Variants in SBNO1 observed in about 807,000 individuals in gnomAD.
The protein encoded by SBNO1 is protein strawberry notch homolog 1.
In SBNO1, 23 loss-of-function variants were observed where a neutral mutation model predicts 173.6. That is an observed-to-expected ratio of 0.13 (90% CI 0.10 to 0.19). SBNO1 has a LOEUF of 0.19. Among genes scored for constraint, SBNO1 ranks in the 10% least tolerant of loss-of-function variants. The pLI is 1.00. For synonymous variants in SBNO1, 632 were observed against 571.5 expected, an observed-to-expected ratio of 1.11 and a Z score of -1.51; for missense variants, 1,238 against 1,671.2, an observed-to-expected ratio of 0.74 and a Z score of 4.52.
chr12:123,307,176 G>C (rs1054250389), intron 28 of SBNO1, among the ~76,000 whole-genome samples: 15 of 151,964 alleles, frequency 9.9e-5, no homozygotes, highest in African/African-American at 3.6e-4. Context: ...CTGGGTGACA[G>C]AGCGAGCGAG....
chr12:123,349,852 G>C (rs899508995), intron 2 of SBNO1, among the ~76,000 whole-genome samples: 1 of 152,108 alleles, frequency 6.6e-6, no homozygotes, highest in Non-Finnish European at 1.5e-5. Context: ...GGCAGAGGTT[G>C]CAGTGAGCTG....
Position 123,292,766 on chromosome 12 carries a change from C to G in SBNO1, c.*3142G>C, listed in dbSNP as rs928320683. On this transcript the variant is annotated 3_prime_UTR_variant, in exon 32 of 32. Transcript: ENST00000602398. ...ATGCAGGTTCTTACTAATTTATATA[C>G]ACATGTAAAGAGAAGATACTGAAGT... 1 of 152,182 alleles carries G rather than the reference C, an allele frequency of 6.6e-6. No individual in the cohort carries two copies. Among genetic ancestry groups the G allele is most frequent in the Non-Finnish European group, 1.5e-5 (1 of 68,042 alleles). 9.4% of individuals were successfully genotyped at this position (152,182 alleles called of 1,614,324 possible). A position where few individuals can be genotyped will look rare whatever the true frequency, so the allele number is the denominator to read the frequency against.
In SBNO1 at chr12:123,295,833, CTG is replaced by C. The variant is rs2048583852; in HGVS notation, c.*73_*74del. 6.5e-7 allele frequency: 1 copy of C among 1,546,854 alleles called. No homozygotes were observed. Among genetic ancestry groups the C allele is most frequent in the Non-Finnish European group, 8.7e-7 (1 of 1,143,656 alleles). On this transcript the variant is annotated 3_prime_UTR_variant, in exon 32 of 32. Coordinates refer to ENST00000602398, the MANE Select transcript of SBNO1 (RefSeq NM_001167856.3). ...AAAAAAATATATAATTCTTTGGAAA[CTG>C]TCCCTGATTTTTATGCAAATGATAT... is the stretch of plus-strand genomic sequence containing the variant.
chr12:123,345,477 C>A lies in SBNO1; in HGVS notation c.331G>T (p.Val111Leu), dbSNP rs1410448291. Residue 111 changes from valine to leucine, a missense_variant, in exon 4 of 32, where the codon GTA becomes TTA. Around this residue, in one of 14 missense-constraint regions of SBNO1, gnomAD observed 287 missense variants for 274.1 expected, o/e 1.05. Transcript: ENST00000602398. ...STIVMTKTPP[V>L]TTNRQTITLT... is the part of the protein sequence containing the mutation. Reference sequence around the variant, plus strand: ...GTGATGGTTTGCCTGTTGGTTGTTACAGGTGGTGTTTTAGTCATTACAATT... The same window carrying A: ...GTGATGGTTTGCCTGTTGGTTGTTAAAGGTGGTGTTTTAGTCATTACAATT... 1.9e-6 allele frequency: 3 copies of A among 1,614,014 alleles called. No homozygotes were observed. Among genetic ancestry groups the A allele is most frequent in the East Asian group, 2.2e-5 (1 of 44,904 alleles).
chr12:123,311,072 A>G lies in SBNO1; in HGVS notation c.3278T>C (p.Ile1093Thr). The G allele has an allele frequency of 6.2e-7, 1 of 1,612,902 alleles. No homozygotes were observed. The highest frequency in any genetic ancestry group is 8.5e-7 in the Non-Finnish European group (1 of 1,178,928). ...GLINVEDRSG[I>T]LTLDKDYNNI... is the part of the protein sequence containing the mutation. ...AGTAGTACCTTTATCGAGAGTAAGA[A>G]TTCCCGAGCGATCTTCTACATTTAT... The change falls in exon 25 of 32, where the codon ATT becomes ACT. Residue 1093 changes from isoleucine to threonine, a missense_variant. Physicochemically the swap from Ile to Thr is moderately conservative, Grantham distance 89. This residue lies in a region of SBNO1 where 351 missense variants were observed against 420.3 expected (regional missense o/e 0.84). Coordinates refer to ENST00000602398, the MANE Select transcript of SBNO1 (RefSeq NM_001167856.3).
chr12:123,292,217 TAATCA>T lies in SBNO1; in HGVS notation c.*3686_*3690del, dbSNP rs2048522656. 6.6e-6 allele frequency: 1 copy of T among 152,134 alleles called. No homozygotes were observed. The highest frequency in any genetic ancestry group is 1.5e-5 in the Non-Finnish European group (1 of 68,030). The allele number at this position is 152,134 out of a possible 1,614,324, so 9.4% of individuals were successfully genotyped here. A position where few individuals can be genotyped will look rare whatever the true frequency, so the allele number is the denominator to read the frequency against. On this transcript the variant is annotated 3_prime_UTR_variant, in exon 32 of 32. Transcript: ENST00000602398. ...GCCTTTGCCATTGGGAGGCCTGAACTAATCAAACGTTCATTAATAGGATCCCAGCC... is the reference window on the plus strand; with the variant it reads ...GCCTTTGCCATTGGGAGGCCTGAACTAACGTTCATTAATAGGATCCCAGCC...
chr12:123,350,048 G>A (rs1245353500), intron 2 of SBNO1, among the ~76,000 whole-genome samples: 1 of 152,180 alleles, frequency 6.6e-6, no homozygotes, highest in Non-Finnish European at 1.5e-5. Flanking sequence ...GAGCTCAGGA[G>A]TTCAAGACCA....
intron 1 of SBNO1, among the ~76,000 whole-genome samples, chr12:123,356,474 C>G (rs1874472980): frequency 6.6e-6 from 1 of 152,204 alleles, no homozygotes; most frequent in African/African-American, 2.4e-5. Flanking sequence ...CTTGTTCTGT[C>G]ACCCAAGCTG....
In SBNO1 at chr12:123,304,185, C is replaced by A. The variant is rs573655384; in HGVS notation, c.3768+397G>T. Among the ~76,000 whole-genome samples the A allele has an allele frequency of 2.0e-5, 3 of 152,218 alleles. No homozygotes were observed. The East Asian group carries it at 5.8e-4, about 29-fold the overall frequency. On this transcript the variant is annotated intron_variant, in intron 29 of 31. Transcript: ENST00000602398. ...ACCTCAGGTGATCCAACCGCCTTGG[C>A]CTCCCAAAGTACTAAGATTACAGGC...
chr12:123,339,734 C>T (rs1467591226), intron 5 of SBNO1, among the ~76,000 whole-genome samples: 1 of 152,102 alleles, frequency 6.6e-6, no homozygotes, highest in Non-Finnish European at 1.5e-5. Context: ...TTGCAGTGAG[C>T]CAAGATTGCA....
chr12:123,321,504 C>T, intron 17 of SBNO1, 31 bp downstream of exon 17: 1 of 1,435,560 alleles, frequency 7.0e-7, no homozygotes. Flanking sequence ...ATATTATATG[C>T]TTTCGTGTAT....
intron 10 of SBNO1, 32 bp from the exon 11 acceptor site, chr12:123,328,059 T>TA (rs751555933): frequency 7.2e-6 from 11 of 1,533,472 alleles, no homozygotes; most frequent in Non-Finnish European, 9.8e-6. Context: ...ATGTATCACA[T>TA]TAGTATTAAG....
chr12:123,321,631 C>T lies in SBNO1; in HGVS notation c.2227G>A (p.Glu743Lys). The change falls in exon 17 of 32, where the codon GAA becomes AAA. Residue 743 changes from glutamate (E) to lysine (K), a missense_variant. Coordinates refer to ENST00000602398, the MANE Select transcript of SBNO1 (RefSeq NM_001167856.3). ...SGSESDASDN[E>K]ESDYESSKNM... ...TTAGAGCTCTCATAGTCACTTTCTT[C>T]ATTATCAGAGGCATCAGATTCACTT... is the stretch of plus-strand genomic sequence containing the variant. 1.2e-6 allele frequency: 2 copies of T among 1,614,052 alleles called. No individual in the cohort carries two copies. The highest frequency in any genetic ancestry group is 1.7e-6 in the Non-Finnish European group (2 of 1,179,936).
chr12:123,340,772 G>A (rs1403846740), intron 5 of SBNO1, among the ~76,000 whole-genome samples: 1 of 151,978 alleles, frequency 6.6e-6, no homozygotes. Context: ...AGTACTGCAT[G>A]TTAGTGCCAC....
chr12:123,311,101 G>A lies in SBNO1; in HGVS notation c.3249C>T (p.Gly1083=). Reference sequence around the variant, plus strand: ...CCGAGCGATCTTCTACATTTATCAGGCCAACGCCTATCAGTCCTTGTCGAA... The same window carrying A: ...CCGAGCGATCTTCTACATTTATCAGACCAACGCCTATCAGTCCTTGTCGAA... The part of the protein sequence containing the change: ...KDVRQGLIGV[G]LINVEDRSGI... The change falls in exon 25 of 32, where the codon GGC becomes GGT. Residue 1083 remains glycine, a synonymous_variant. Transcript: ENST00000602398. The A allele has an allele frequency of 6.2e-7, 1 of 1,613,510 alleles. No homozygotes were observed. Among genetic ancestry groups the A allele is most frequent in the Non-Finnish European group, 8.5e-7 (1 of 1,179,538 alleles).
intron 29 of SBNO1, 41 bp downstream of exon 29, chr12:123,304,541 T>C: frequency 7.0e-7 from 1 of 1,428,818 alleles, no homozygotes; most frequent in Non-Finnish European, 9.7e-7. Flanking sequence ...TGGCCCAAAG[T>C]AAGTATTCCT....
intron 1 of SBNO1, among the ~76,000 whole-genome samples, chr12:123,353,678 G>A (rs1874129792): frequency 1.3e-5 from 2 of 152,054 alleles, no homozygotes; most frequent in African/African-American, 2.4e-5. Context: ...TTATCCTACT[G>A]CATAATACGA....
chr12:123,352,276 G>GTGT (rs770860140), intron 1 of SBNO1, among the ~76,000 whole-genome samples: 12 of 152,210 alleles, frequency 7.9e-5, no homozygotes, highest in Non-Finnish European at 1.8e-4. Context: ...TTAAGTGTCA[G>GTGT]TGTTTCATGA....
At chr12:123,346,254 CA>C (rs1873121644) in intron 3 of SBNO1, among the ~76,000 whole-genome samples, 1 of 152,154 alleles carries the variant, frequency 6.6e-6, no homozygotes, top group Middle Eastern at 3.2e-3. Flanking sequence ...CCAATCTCCC[CA>C]AAAGACTAGT....
Sources: allele counts gnomAD v4.1 joint callset (sites outside exome capture counted in the v4.1 genomes callset), GRCh38; gene constraint gnomAD v4.1.1; regional missense constraint gnomAD v4.1.1; transcripts MANE v1.5; gene names NCBI Gene and HGNC (gene_info 2026-07-23, HGNC 2026-07-21).